KANSL1: variants seen among roughly 807,000 people sequenced by gnomAD.
KANSL1 encodes MLL1/MLL complex subunit KANSL1.
Under a neutral mutation model 103.6 loss-of-function variants are expected in KANSL1, and 22 were observed. The ratio of observed to expected loss-of-function variants is 0.21; its 90% CI spans 0.15 to 0.30. The LOEUF is 0.30. KANSL1 is among the 10% of genes least tolerant of loss of function. The pLI is 1.00. For synonymous variants in KANSL1, 600 were observed against 527.6 expected (o/e 1.14, Z -1.88); for missense variants, 1,337 against 1,399.8 (o/e 0.96, Z 0.72).
intron 2 of KANSL1, among the ~76,000 whole-genome samples, chr17:46,144,089 T>C (rs1012731078): frequency 6.6e-6 from 1 of 152,140 alleles, no homozygotes; most frequent in Non-Finnish European, 1.5e-5. Flanking sequence ...TACTTTGTCA[T>C]GGGGGGGAAA....
At position 46,171,265 on chromosome 17, in the gene KANSL1, G is replaced by A. The variant is rs776618863; in HGVS notation, c.879C>T (p.Asp293=). The A allele has an allele frequency of 1.2e-6, 2 of 1,614,142 alleles. No individual in the cohort carries two copies. The highest frequency in any genetic ancestry group is 1.7e-6 in the Non-Finnish European group (2 of 1,180,052). Residue 293 remains aspartate (D), a synonymous_variant, in exon 2 of 15, where the codon GAC becomes GAT. Coordinates refer to ENST00000432791, the MANE Select transcript of KANSL1 (RefSeq NM_015443.4). Reference sequence around the variant, plus strand: ...GTAATCTGCGGGCACGGCTCTCAATGTCAGCCTGTCGCCGCAGTAAAGCTG... The same window carrying A: ...GTAATCTGCGGGCACGGCTCTCAATATCAGCCTGTCGCCGCAGTAAAGCTG... ...RITALLRRQA[D]IESRARRLQK...
intron 2 of KANSL1, 63 bp downstream of exon 2, chr17:46,170,792 T>C: frequency 6.8e-7 from 1 of 1,462,564 alleles, no homozygotes; most frequent in Admixed American, 2.2e-5. Context: ...ATAATGGCGA[T>C]TCATTCATTC....
chr17:46,181,622 G>C (rs2046798816), intron 1 of KANSL1, among the ~76,000 whole-genome samples: 1 of 152,158 alleles, frequency 6.6e-6, no homozygotes, highest in African/African-American at 2.4e-5. Flanking sequence ...AGTAGAGATG[G>C]GGTTTCACCA....
chr17:46,214,490 C>T (rs967450183), intron 1 of KANSL1, among the ~76,000 whole-genome samples: 9 of 152,174 alleles, frequency 5.9e-5, no homozygotes, highest in African/African-American at 2.2e-4. Context: ...CCTGTCTCTA[C>T]TAAAAATACA....
At chr17:46,127,066 T>C (rs1322486796) in intron 2 of KANSL1, among the ~76,000 whole-genome samples, 2 of 152,200 alleles carry the variant, frequency 1.3e-5, no homozygotes, top group African/African-American at 4.8e-5. Flanking sequence ...TCAGATGACA[T>C]GGGGGATTAT....
chr17:46,034,344 C>T, intron 10 of KANSL1, 59 bp from the exon 11 acceptor site: 2 of 1,585,216 alleles, frequency 1.3e-6, no homozygotes, highest in Non-Finnish European at 1.7e-6. Flanking sequence ...TCAAATCATT[C>T]ATCTAAGAGT....
At chr17:46,150,516 C>G (rs2696577) in intron 2 of KANSL1, among the ~76,000 whole-genome samples, 18,502 of 150,180 alleles carry the variant, frequency 0.12, 21 homozygotes, top group Middle Eastern at 0.19. Context: ...CAGCACTTTA[C>G]AATCAAGAGA....
intron 2 of KANSL1, among the ~76,000 whole-genome samples, chr17:46,165,423 G>A (rs535407101): frequency 9.9e-5 from 15 of 152,148 alleles, no homozygotes; most frequent in African/African-American, 3.1e-4. Flanking sequence ...TAGTAGAGAC[G>A]GCGTTTCACC....
intron 2 of KANSL1, among the ~76,000 whole-genome samples, chr17:46,096,320 T>TC (rs2042079312): frequency 7.3e-6 from 1 of 137,550 alleles, no homozygotes; most frequent in South Asian, 2.2e-4. Flanking sequence ...TCTTTTTTTT[T>TC]TTTTTTTTTT....
chr17:46,175,909 T>G (rs2532260), intron 1 of KANSL1, among the ~76,000 whole-genome samples: 1 of 152,200 alleles, frequency 6.6e-6, no homozygotes, highest in African/African-American at 2.4e-5. Flanking sequence ...CATTGTGTTA[T>G]AGACCAGTTG....
In KANSL1 at chr17:46,183,611, G is replaced by T. The variant is rs115313654; in HGVS notation, c.-90+9212C>A. On this transcript the variant is annotated intron_variant, in intron 1 of 14. Coordinates refer to ENST00000432791, the MANE Select transcript of KANSL1 (RefSeq NM_015443.4). ...GGAGACAGGGGAGAGGGGAGAGGAG[G>T]TGAGAGAAGAAAAGGAGGGAAAGAA... 2.3e-3 allele frequency among the ~76,000 whole-genome samples: 342 copies of T among 151,318 alleles called. 1 individual carries two copies. Among genetic ancestry groups the T allele is most frequent in the African/African-American group, 8.0e-3 (331 of 41,144 alleles).
chr17:46,128,948 C>T (rs1198989825), intron 2 of KANSL1, among the ~76,000 whole-genome samples: 2 of 152,080 alleles, frequency 1.3e-5, no homozygotes, highest in East Asian at 1.9e-4. Context: ...TGGGAGGCTG[C>T]GAAGGTTGTC....
intron 3 of KANSL1, among the ~76,000 whole-genome samples, chr17:46,088,103 G>A (rs1234850091): frequency 3.3e-5 from 5 of 152,184 alleles, no homozygotes; most frequent in African/African-American, 1.2e-4. Context: ...AGGCTGCACA[G>A]GCCTAGAAAA....
At position 46,170,982 on chromosome 17, in the gene KANSL1, T is replaced by C. The variant is rs767398590; in HGVS notation, c.1162A>G (p.Ile388Val). 4 of 1,614,224 alleles carry C rather than the reference T, an allele frequency of 2.5e-6. No individual in the cohort carries two copies. The highest frequency in any genetic ancestry group is 2.2e-5 in the East Asian group (1 of 44,888). ...EELERFTASGIANLRCSEQAF... is the reference protein window; with the variant it reads ...EELERFTASGVANLRCSEQAF... Reference sequence around the variant, plus strand: ...TGTTCACTGCACCTCAAGTTGGCTATGCCACTAGCTGTAAATCTCTCCAAT... The same window carrying C: ...TGTTCACTGCACCTCAAGTTGGCTACGCCACTAGCTGTAAATCTCTCCAAT... The change falls in exon 2 of 15, where the codon ATA becomes GTA. Residue 388 changes from isoleucine (I) to valine (V), a missense_variant. Physicochemically the swap from Ile to Val is conservative, Grantham distance 29 (BLOSUM62 3). This residue lies in a region of KANSL1 where 557 missense variants were observed against 476.4 expected (regional missense o/e 1.17). Transcript: ENST00000432791.
intron 2 of KANSL1, among the ~76,000 whole-genome samples, chr17:46,170,065 C>T (rs1009586764): frequency 1.3e-5 from 2 of 152,144 alleles, no homozygotes; most frequent in Non-Finnish European, 2.9e-5. Context: ...TCACCTGAAC[C>T]CAGGAGCCAG....
intron 1 of KANSL1, among the ~76,000 whole-genome samples, chr17:46,202,467 C>T (rs1176182399): frequency 1.3e-5 from 2 of 152,216 alleles, no homozygotes; most frequent in African/African-American, 4.8e-5. Context: ...CAGCTCCAAA[C>T]AGCCCTAGAC....
intron 2 of KANSL1, among the ~76,000 whole-genome samples, chr17:46,107,795 T>C (rs994313006): frequency 6.6e-6 from 1 of 152,116 alleles, no homozygotes; most frequent in African/African-American, 2.4e-5. Context: ...CCTCCCCAAC[T>C]CCTATATGCC....
chr17:46,096,308 TTTC>T (rs2042065104), intron 2 of KANSL1, among the ~76,000 whole-genome samples: 2 of 123,208 alleles, frequency 1.6e-5, no homozygotes, highest in South Asian at 2.3e-4. Context: ...CTGGCTTTTT[TTTC>T]TTTTTTTTTT....
intron 4 of KANSL1, among the ~76,000 whole-genome samples, chr17:46,070,258 TAAAA>T (rs1180962278): frequency 3.3e-5 from 5 of 152,068 alleles, no homozygotes; most frequent in Non-Finnish European, 7.4e-5. Flanking sequence ...ATCAAAATAT[TAAAA>T]AGAATCATAA....
Sources: allele counts gnomAD v4.1 joint callset (sites outside exome capture counted in the v4.1 genomes callset), GRCh38; gene constraint gnomAD v4.1.1; regional missense constraint gnomAD v4.1.1; transcripts MANE v1.5; gene names NCBI Gene and HGNC (gene_info 2026-07-23, HGNC 2026-07-21).